The following POLD1 variants were observed in gnomAD, a reference collection of about 807,000 sequenced individuals.
POLD1 encodes DNA polymerase delta 1, catalytic subunit.
In POLD1, 79 loss-of-function variants were observed where a neutral mutation model predicts 129.7. The observed-to-expected ratio is 0.61, with a 90% confidence interval of 0.51 to 0.73. POLD1 has a LOEUF of 0.73. POLD1 is among the 30% of genes least tolerant of loss of function. The pLI, the probability that POLD1 is intolerant of heterozygous loss-of-function variation, is 0.00. For missense variants in POLD1, 1,338 were observed against 1,595.8 expected (o/e 0.84, Z 2.75); for synonymous variants, 714 against 683.3 (o/e 1.04, Z -0.70).
Position 50,417,827 on chromosome 19 carries a change from T to TGCCCC in POLD1, c.3219-14_3219-10dup, listed in dbSNP as rs2039389472. 6.4e-7 allele frequency: 1 copy of TGCCCC among 1,551,866 alleles called. No homozygotes were observed. The highest frequency in any genetic ancestry group is 1.4e-5 in the African/African-American group (1 of 73,048). Reference sequence around the variant, plus strand: ...CCTTGGCTGGTCCTGACCCTGCCCCTGCCCCCACCCGCAGCCGGGACTGCC... The same window carrying TGCCCC: ...CCTTGGCTGGTCCTGACCCTGCCCCTGCCCCGCCCCCACCCGCAGCCGGGACTGCC... On this transcript the variant is annotated splice_polypyrimidine_tract_variant and intron_variant, in intron 26 of 26. Transcript: ENST00000440232.
At chr19:50,384,918 C>G (rs1417792404) in intron 1 of POLD1, among the ~76,000 whole-genome samples, 1 of 152,132 alleles carries the variant, frequency 6.6e-6, no homozygotes. Flanking sequence ...GGTCCAGAAT[C>G]GACCGCTCTG....
At position 50,407,105 on chromosome 19, in the gene POLD1, T is replaced by C. The variant is rs781343915; in HGVS notation, c.1617T>C (p.Thr539=). 1.2e-5 allele frequency: 19 copies of C among 1,613,364 alleles called. No individual in the cohort carries two copies. In the East Asian group the frequency reaches 1.8e-4, roughly 15 times the overall value. Residue 539 remains threonine (T), a synonymous_variant, in exon 13 of 27, where the codon ACT becomes ACC. Transcript: ENST00000440232. ...ACGCCGTGGAGATGGCGAGGGTCAC[T>C]GGCGTGCCCCTCAGCTACCTGCTCA... The part of the protein sequence containing the change: ...LVNAVEMARV[T]GVPLSYLLSR...
In POLD1 at chr19:50,406,266, C is replaced by T. The variant is rs1568626243; in HGVS notation, c.1327C>T (p.Arg443Trp). Residue 443 changes from arginine to tryptophan, a missense_variant, in exon 11 of 27, where the codon CGG (arginine) becomes TGG (tryptophan). Physicochemically the swap from Arg to Trp is moderately radical, Grantham distance 101 (BLOSUM62 -3). Coordinates refer to ENST00000440232, the MANE Select transcript of POLD1 (RefSeq NM_002691.4). The surrounding 1 kb of genome is among the most constrained non-coding windows in gnomAD (Gnocchi z 5.5). ...TTCATTCCAGTCCAAGCAGACGGGC[C>T]GGCGGGACACCAAGGTTGTCAGCAT... The part of the protein sequence containing the change: ...DSSFQSKQTG[R>W]RDTKVVSMVG... 3 of 1,614,038 alleles carry T rather than the reference C, an allele frequency of 1.9e-6. No homozygotes were observed. Among genetic ancestry groups the T allele is most frequent in the Non-Finnish European group, 2.5e-6 (3 of 1,180,002 alleles).
rs1060504352 is a variant in POLD1, at chr19:50,402,518, C to T, written c.823C>T (p.Leu275=). ...WLELPAGKYA[L]RLKEKATQCQ... ...GGAGCTCCCAGCTGGGAAATACGCCCTGAGGCTGAAGGAGAAGGTGCAGGG... is the reference window on the plus strand; with the variant it reads ...GGAGCTCCCAGCTGGGAAATACGCCTTGAGGCTGAAGGAGAAGGTGCAGGG... Residue 275 remains leucine (L), a synonymous_variant, in exon 7 of 27, where the codon CTG becomes TTG. Coordinates refer to ENST00000440232, the MANE Select transcript of POLD1 (RefSeq NM_002691.4). 1.2e-6 allele frequency: 2 copies of T among 1,605,930 alleles called. No individual in the cohort carries two copies. The highest frequency in any genetic ancestry group is 1.7e-5 in the Admixed American group (1 of 58,706).
In POLD1 at chr19:50,406,596, ACGC is replaced by A; in HGVS notation, c.1494+81_1494+83del. Reference sequence around the variant, plus strand: ...TTCCCCGGCCTCTGACCTCAACTTCACGCCCCCACGTCTGACCTCACTCTTTGA... The same window carrying A: ...TTCCCCGGCCTCTGACCTCAACTTCACCCCACGTCTGACCTCACTCTTTGA... On this transcript the variant is annotated intron_variant, in intron 12 of 26. Coordinates refer to ENST00000440232, the MANE Select transcript of POLD1 (RefSeq NM_002691.4). The surrounding 1 kb of genome is among the most constrained non-coding windows in gnomAD (Gnocchi z 5.5). The A allele has an allele frequency of 9.7e-7, 1 of 1,035,766 alleles. No homozygotes were observed. Among genetic ancestry groups the A allele is most frequent in the Non-Finnish European group, 1.5e-6 (1 of 684,102 alleles). 64.2% of individuals were successfully genotyped at this position (1,035,766 alleles called of 1,614,324 possible). A position where few individuals can be genotyped will look rare whatever the true frequency, so the allele number is the denominator to read the frequency against.
Position 50,406,412 on chromosome 19 carries a change from G to C in POLD1, c.1389G>C (p.Leu463=), listed in dbSNP as rs1368969207. The C allele has an allele frequency of 1.9e-6, 3 of 1,603,636 alleles. No individual in the cohort carries two copies. The highest frequency in any genetic ancestry group is 2.6e-6 in the Non-Finnish European group (3 of 1,175,032). Residue 463 remains leucine, a synonymous_variant, in exon 12 of 27, where the codon CTG becomes CTC. Transcript: ENST00000440232. This position sits in a 1 kb window ranked among gnomAD's most constrained non-coding sequence, Gnocchi z 5.5. ...CAGCCCACCCACCCACCTAGGTGCT[G>C]CTGCGGGAGTACAAGCTCCGCTCCT... ...GRVQMDMLQV[L]LREYKLRSYT...
In POLD1 at chr19:50,398,904, C is replaced by T; in HGVS notation, c.53C>T (p.Ala18Val). Residue 18 changes from alanine to valine, a missense_variant, in exon 2 of 27, where the codon GCC (alanine) becomes GTC (valine). Physicochemically the swap from Ala to Val is moderately conservative, Grantham distance 64 (BLOSUM62 0). This residue lies in a region of POLD1 where 332 missense variants were observed against 315.7 expected (regional missense o/e 1.05). Coordinates refer to ENST00000440232, the MANE Select transcript of POLD1 (RefSeq NM_002691.4). ...GPGPGVPPKRARGGLWDDDDA... is the reference protein window; with the variant it reads ...GPGPGVPPKRVRGGLWDDDDA... ...GGGCCCGGGGTGCCCCCAAAGCGGG[C>T]CCGTGGGGGCCTCTGGGATGATGAT... is the stretch of plus-strand genomic sequence containing the variant. 1 of 1,600,628 alleles carries T rather than the reference C, an allele frequency of 6.2e-7. No individual in the cohort carries two copies. Among genetic ancestry groups the T allele is most frequent in the Non-Finnish European group, 8.5e-7 (1 of 1,175,082 alleles).
chr19:50,405,362 A>G (rs2038838176), intron 10 of POLD1, among the ~76,000 whole-genome samples: 1 of 152,170 alleles, frequency 6.6e-6, no homozygotes, highest in South Asian at 2.1e-4. Flanking sequence ...TTGGGAGAAC[A>G]TGGTTCAGCC....
intron 3 of POLD1, among the ~76,000 whole-genome samples, chr19:50,400,922 T>G (rs1457670874): frequency 6.6e-6 from 1 of 150,702 alleles, no homozygotes; most frequent in African/African-American, 2.4e-5. Flanking sequence ...GGTCTTGATC[T>G]CCTGACCTCG....
intron 3 of POLD1, among the ~76,000 whole-genome samples, chr19:50,400,662 G>C (rs114957213): frequency 0.022 from 3,360 of 149,434 alleles, 130 homozygotes; most frequent in African/African-American, 0.079. Flanking sequence ...CCTCGGAGTA[G>C]CTAGGACTAC....
chr19:50,394,142 G>C (rs1356906282), intron 1 of POLD1: 1 of 152,220 alleles, frequency 6.6e-6, no homozygotes, highest in African/African-American at 2.4e-5. Flanking sequence ...CCTTGTGGTT[G>C]GCTCTCCCAC....
At chr19:50,396,336 G>A (rs1326437027) in intron 1 of POLD1, among the ~76,000 whole-genome samples, 4 of 151,158 alleles carry the variant, frequency 2.6e-5, no homozygotes, top group South Asian at 4.2e-4. Context: ...TGATCCACCC[G>A]CCTCAGCTTC....
At chr19:50,404,291 C>T (rs2038782939) in intron 10 of POLD1, among the ~76,000 whole-genome samples, 1 of 150,268 alleles carries the variant, frequency 6.7e-6, no homozygotes, top group Admixed American at 6.6e-5. Flanking sequence ...AAGACAAAGT[C>T]TCGCTCTGTC....
chr19:50,417,582 G>A (rs1601251807), intron 26 of POLD1, among the ~76,000 whole-genome samples: 1 of 152,122 alleles, frequency 6.6e-6, no homozygotes, highest in Non-Finnish European at 1.5e-5. Flanking sequence ...CCAGGGAACG[G>A]GTAGGCGGGG....
At chr19:50,415,998 CTA>C in intron 22 of POLD1, 172 bp downstream of exon 22, 1 of 594,440 alleles carries the variant, frequency 1.7e-6, no homozygotes, top group Non-Finnish European at 3.0e-6. Context: ...GGTCCCCCCT[CTA>C]TTCTGACCCC....
At chr19:50,413,644 T>C (rs2122441869) in intron 18 of POLD1, 98 bp from the exon 19 acceptor site, 3 of 1,535,892 alleles carry the variant, frequency 2.0e-6, no homozygotes, top group Middle Eastern at 3.5e-4. Context: ...TGTTGCATCC[T>C]TGGGTCCCGT....
intron 1 of POLD1, chr19:50,394,191 G>A (rs2038263409): frequency 6.6e-6 from 1 of 152,242 alleles, no homozygotes; most frequent in African/African-American, 2.4e-5. Context: ...GGAAGAGGGT[G>A]GGAGGATGTC....
In POLD1 at chr19:50,409,298, C is replaced by A; in HGVS notation, c.2006+63C>A. The A allele has an allele frequency of 7.6e-7, 1 of 1,317,758 alleles. No individual in the cohort carries two copies. The highest frequency in any genetic ancestry group is 1.1e-6 in the Non-Finnish European group (1 of 917,844). The allele number at this position is 1,317,758 out of a possible 1,614,324, so 81.6% of individuals were successfully genotyped here. ...GTTGGGGCCTCTGGGCAATCCCTGT[C>A]CCTCACTGGGACACCCCAGGGCTGC... is the stretch of plus-strand genomic sequence containing the variant. On this transcript the variant is annotated intron_variant, in intron 16 of 26. Transcript: ENST00000440232. This position sits in a 1 kb window ranked among gnomAD's most constrained non-coding sequence, Gnocchi z 5.8.
intron 19 of POLD1, among the ~76,000 whole-genome samples, chr19:50,414,189 T>G (rs1244728992): frequency 6.6e-6 from 1 of 152,232 alleles, no homozygotes; most frequent in Non-Finnish European, 1.5e-5. Flanking sequence ...GGGTGCACCT[T>G]AGATCTGTGC....
Sources: gnomAD v4.1 joint callset for allele counts (sites outside exome capture counted in the v4.1 genomes callset) on GRCh38, gnomAD v4.1.1 for gene constraint, gnomAD v4.1.1 regional missense constraint, Gnocchi (gnomAD v3.1) non-coding constraint, MANE v1.5 for transcripts, NCBI Gene and HGNC (gene_info 2026-07-23, HGNC 2026-07-21) for gene names.